Variants in MYO1D observed in about 807,000 individuals in gnomAD.
MYO1D encodes unconventional myosin-Id.
Under a neutral mutation model 122.0 loss-of-function variants are expected in MYO1D, and 83 were observed. That is an observed-to-expected ratio of 0.68 (90% CI 0.57 to 0.82). MYO1D has a LOEUF of 0.82. MYO1D is among the 40% of genes least tolerant of loss of function. MYO1D has a pLI of 0.00. For missense variants in MYO1D, 1,157 were observed against 1,269.5 expected (o/e 0.91, Z 1.35); for synonymous variants, 464 against 446.9 (o/e 1.04, Z -0.48).
chr17:32,525,452 GT>G (rs377722965), intron 21 of MYO1D, among the ~76,000 whole-genome samples: 11,042 of 143,482 alleles, frequency 0.077, 1,053 homozygotes, highest in African/African-American at 0.24. Flanking sequence ...AATTCCTTGG[GT>G]TTTTTTTTTT....
intron 4 of MYO1D, among the ~76,000 whole-genome samples, chr17:32,774,918 A>T (rs1046770884): frequency 1.3e-5 from 2 of 152,218 alleles, no homozygotes; most frequent in Non-Finnish European, 2.9e-5. Flanking sequence ...TTCAAGGTGG[A>T]GACTTGATTT....
chr17:32,598,144 C>T (rs574668782), intron 21 of MYO1D, among the ~76,000 whole-genome samples: 4 of 152,154 alleles, frequency 2.6e-5, no homozygotes, highest in African/African-American at 7.2e-5. Context: ...GGGGCCAGGG[C>T]GGGTGGACTG....
At chr17:32,852,106 AT>A (rs2090994382) in intron 1 of MYO1D, among the ~76,000 whole-genome samples, 1 of 152,122 alleles carries the variant, frequency 6.6e-6, no homozygotes, top group South Asian at 2.1e-4. Flanking sequence ...TGATATGACC[AT>A]TTTGAAAAAC....
At chr17:32,816,132 T>C (rs1167773343) in intron 1 of MYO1D, among the ~76,000 whole-genome samples, 1 of 152,240 alleles carries the variant, frequency 6.6e-6, no homozygotes, top group African/African-American at 2.4e-5. Flanking sequence ...TCTAGTGTGA[T>C]GTTTAACACT....
At chr17:32,497,704 T>A (rs1597856919) in intron 21 of MYO1D, 1 of 152,334 alleles carries the variant, frequency 6.6e-6, no homozygotes, top group South Asian at 2.1e-4. Context: ...TCCAAGCCGA[T>A]CATGCACGAG....
chr17:32,509,409 T>C (rs1205813018), intron 21 of MYO1D, among the ~76,000 whole-genome samples: 1 of 152,098 alleles, frequency 6.6e-6, no homozygotes, highest in Non-Finnish European at 1.5e-5. Context: ...TGGAAAACAT[T>C]TGGACTGATG....
At chr17:32,508,136 C>CAG (rs2150857347) in intron 21 of MYO1D, among the ~76,000 whole-genome samples, 2 of 151,604 alleles carry the variant, frequency 1.3e-5, no homozygotes. Context: ...ACCTCATAAT[C>CAG]TGCCCGCCTT....
intron 10 of MYO1D, chr17:32,760,030 C>A: frequency 1.5e-6 from 1 of 673,328 alleles, no homozygotes; most frequent in Non-Finnish European, 2.7e-6. Context: ...AGTAAGTCCA[C>A]GTGGTAGCAG....
chr17:32,682,733 T>A (rs1298634232), intron 16 of MYO1D, among the ~76,000 whole-genome samples: 1 of 119,340 alleles, frequency 8.4e-6, no homozygotes, highest in East Asian at 2.8e-4. Flanking sequence ...TGTCTTGGAG[T>A]TGCTCTTCTC....
intron 3 of MYO1D, 101 bp from the exon 4 acceptor site, chr17:32,776,130 A>T (rs1179297188): frequency 2.0e-6 from 2 of 1,010,280 alleles, no homozygotes; most frequent in Non-Finnish European, 2.9e-6. Context: ...TTATACAAAG[A>T]TGCTAACTCC....
At chr17:32,694,682 T>C (rs2150976348) in intron 16 of MYO1D, among the ~76,000 whole-genome samples, 1 of 112,158 alleles carries the variant, frequency 8.9e-6, no homozygotes. Flanking sequence ...CAGTCCGGCC[T>C]GGGCGACAGA....
At chr17:32,713,904 A>C (rs2089410376) in intron 15 of MYO1D, among the ~76,000 whole-genome samples, 1 of 152,086 alleles carries the variant, frequency 6.6e-6, no homozygotes, top group Non-Finnish European at 1.5e-5. Context: ...GATTATAGGC[A>C]AGAGCCACTG....
At chr17:32,604,181 G>A (rs1299146738) in intron 21 of MYO1D, among the ~76,000 whole-genome samples, 1 of 129,752 alleles carries the variant, frequency 7.7e-6, no homozygotes, top group African/African-American at 2.8e-5. Flanking sequence ...GAGAAGCCAC[G>A]TCTAAACTGA....
chr17:32,515,659 G>T (rs1179642816), intron 21 of MYO1D, among the ~76,000 whole-genome samples: 1 of 152,130 alleles, frequency 6.6e-6, no homozygotes, highest in Non-Finnish European at 1.5e-5. Flanking sequence ...GTTCTTTTTG[G>T]ATATTTTCCA....
At chr17:32,635,627 A>T (rs866358022) in intron 20 of MYO1D, among the ~76,000 whole-genome samples, 1 of 152,012 alleles carries the variant, frequency 6.6e-6, no homozygotes, top group Non-Finnish European at 1.5e-5. Flanking sequence ...TAGGAGGCGG[A>T]GGTTGCAGTG....
intron 1 of MYO1D, among the ~76,000 whole-genome samples, chr17:32,845,939 G>GAA (rs973875658): frequency 1.4e-5 from 2 of 143,890 alleles, no homozygotes; most frequent in Admixed American, 7.0e-5. Flanking sequence ...TACTGTAGAG[G>GAA]AAAAAAAAAA....
rs1255292854 is a variant in MYO1D, at chr17:32,876,266, G to A, written c.95+512C>T. On this transcript the variant is annotated intron_variant, in intron 1 of 21. Transcript: ENST00000318217. ...ATCCTGAATGACAGGATGGAACTAC[G>A]CCAGGAGGAAAAAAAAAAGAAGGGC... Among the ~76,000 whole-genome samples, 3 of 151,906 alleles carry A rather than the reference G, an allele frequency of 2.0e-5. No homozygotes were observed. In the East Asian group the frequency reaches 5.8e-4, roughly 29 times the overall value.
intron 21 of MYO1D, among the ~76,000 whole-genome samples, chr17:32,538,133 A>G (rs1402409653): frequency 6.6e-6 from 1 of 152,184 alleles, no homozygotes; most frequent in African/African-American, 2.4e-5. Flanking sequence ...AATAGAAAAT[A>G]ATGGTGCATC....
In MYO1D at chr17:32,802,868, A is replaced by G. The variant is rs1289716829; in HGVS notation, c.96-22084T>C. Among the ~76,000 whole-genome samples the G allele has an allele frequency of 2.0e-5, 3 of 152,226 alleles. No individual in the cohort carries two copies. In the East Asian group the frequency reaches 5.8e-4, roughly 29 times the overall value. ...TTGTTCTTCAAATGATGCTTCATCA[A>G]GTTAGGAAAGGTACCTGCTGGTCTA... On this transcript the variant is annotated intron_variant, in intron 1 of 21. Transcript: ENST00000318217.
Sources: gnomAD v4.1 joint callset for allele counts (sites outside exome capture counted in the v4.1 genomes callset) on GRCh38, gnomAD v4.1.1 for gene constraint, MANE v1.5 for transcripts, NCBI Gene and HGNC (gene_info 2026-07-23, HGNC 2026-07-21) for gene names.